The following CSMD1 variants were observed in gnomAD, a reference collection of about 807,000 sequenced individuals.
CSMD1 encodes CUB and sushi domain-containing protein 1.
A neutral mutation model predicts 417.5 loss-of-function variants in CSMD1; 213 were observed. The ratio of observed to expected loss-of-function variants is 0.51; its 90% CI spans 0.46 to 0.57. The LOEUF (loss-of-function observed/expected upper bound fraction) is 0.57, where lower values mean the gene tolerates loss of function less well. CSMD1 is among the 20% of genes least tolerant of loss of function. CSMD1 has a pLI of 0.00. For missense variants in CSMD1, 6,923 were observed against 4,529.7 expected (o/e 1.53, Z -15.17); for synonymous variants, 2,862 against 1,736.8 (o/e 1.65, Z -16.11).
intron 6 of CSMD1, among the ~76,000 whole-genome samples, chr8:3,749,541 G>A (rs1199663563): frequency 3.9e-5 from 6 of 152,150 alleles, no homozygotes; most frequent in Non-Finnish European, 7.3e-5. Flanking sequence ...GGGAAGAGTA[G>A]AAAGAATATT....
chr8:4,414,523 G>A (rs1203708068), intron 3 of CSMD1, among the ~76,000 whole-genome samples: 1 of 152,036 alleles, frequency 6.6e-6, no homozygotes, highest in Admixed American at 6.5e-5. Flanking sequence ...ATCTGCTTAT[G>A]CATAGTTTAT....
intron 7 of CSMD1, chr8:3,700,582 G>A (rs957201688): frequency 6.6e-6 from 1 of 152,214 alleles, no homozygotes; most frequent in Non-Finnish European, 1.5e-5. Context: ...AGTTGTGGAT[G>A]CTCAAGATAC....
chr8:4,493,775 C>A (rs1282267865), intron 2 of CSMD1, among the ~76,000 whole-genome samples: 1 of 152,020 alleles, frequency 6.6e-6, no homozygotes, highest in East Asian at 1.9e-4. Context: ...CAACTCTATC[C>A]CTAAGAATAG....
In CSMD1 at chr8:4,600,796, G is replaced by A. The variant is rs181546120; in HGVS notation, c.302+36546C>T. Among the ~76,000 whole-genome samples the A allele has an allele frequency of 9.2e-5, 14 of 152,218 alleles. No individual in the cohort carries two copies. The East Asian group carries it at 2.5e-3, about 27-fold the overall frequency. On this transcript the variant is annotated intron_variant, in intron 2 of 69. Transcript: ENST00000635120. Reference sequence around the variant, plus strand: ...AAATTGTTAGTAACTTCAGACGTAAGAAATCAATCTCTCAATCTTGACAAA... The same window carrying A: ...AAATTGTTAGTAACTTCAGACGTAAAAAATCAATCTCTCAATCTTGACAAA...
intron 1 of CSMD1, among the ~76,000 whole-genome samples, chr8:4,661,080 C>G (rs183897797): frequency 6.6e-6 from 1 of 152,290 alleles, no homozygotes; most frequent in East Asian, 1.9e-4. Flanking sequence ...AAAACACAAC[C>G]TGCAACTATC....
Position 3,519,458 on chromosome 8 carries a change from G to A in CSMD1, c.1345-25732C>T, listed in dbSNP as rs140749973. 2.0e-4 allele frequency among the ~76,000 whole-genome samples: 31 copies of A among 152,278 alleles called. No individual in the cohort carries two copies. In the East Asian group the frequency reaches 6.0e-3, roughly 29 times the overall value. On this transcript the variant is annotated intron_variant, in intron 10 of 69. Transcript: ENST00000635120. Reference sequence around the variant, plus strand: ...GATGAAGTTTCTTGATCATCTGAGAGGAAACACAGGCTCACAATTGAGACT... The same window carrying A: ...GATGAAGTTTCTTGATCATCTGAGAAGAAACACAGGCTCACAATTGAGACT...
intron 3 of CSMD1, among the ~76,000 whole-genome samples, chr8:4,237,695 T>A (rs936893933): frequency 1.3e-5 from 2 of 152,150 alleles, no homozygotes; most frequent in Non-Finnish European, 2.9e-5. Flanking sequence ...TTACTTTTTG[T>A]AGAGACATGG....
intron 5 of CSMD1, among the ~76,000 whole-genome samples, chr8:3,906,561 A>G (rs937714773): frequency 2.0e-5 from 3 of 152,066 alleles, no homozygotes; most frequent in Non-Finnish European, 4.4e-5. Context: ...CAGAAATATA[A>G]GCTGTACCAT....
chr8:3,882,181 C>G (rs1329653106), intron 5 of CSMD1, among the ~76,000 whole-genome samples: 3 of 151,910 alleles, frequency 2.0e-5, no homozygotes, highest in African/African-American at 7.3e-5. Context: ...ATACAGACAT[C>G]TTACAAATCA....
intron 5 of CSMD1, among the ~76,000 whole-genome samples, chr8:3,759,068 A>C (rs766767987): frequency 1.3e-5 from 2 of 152,240 alleles, no homozygotes; most frequent in African/African-American, 4.8e-5. Context: ...AGCCCAGCTG[A>C]CACCTTGATT....
intron 42 of CSMD1, among the ~76,000 whole-genome samples, chr8:3,116,526 T>G (rs1816880767): frequency 1.3e-5 from 2 of 152,212 alleles, no homozygotes; most frequent in South Asian, 4.1e-4. Context: ...TTTGGGAGTC[T>G]GAAGGGGTTT....
chr8:4,316,044 C>T (rs1226166727), intron 3 of CSMD1, among the ~76,000 whole-genome samples: 1 of 152,018 alleles, frequency 6.6e-6, no homozygotes, highest in Non-Finnish European at 1.5e-5. Flanking sequence ...AAATATCCCA[C>T]TGAGAAATAT....
At chr8:4,630,847 G>A (rs1221923094) in intron 2 of CSMD1, among the ~76,000 whole-genome samples, 1 of 152,092 alleles carries the variant, frequency 6.6e-6, no homozygotes, top group African/African-American at 2.4e-5. Flanking sequence ...TACTTCCCTG[G>A]AACTATCCAG....
At chr8:3,958,524 G>C (rs901544785) in intron 5 of CSMD1, among the ~76,000 whole-genome samples, 4 of 151,990 alleles carry the variant, frequency 2.6e-5, no homozygotes, top group Admixed American at 1.3e-4. Context: ...GCATTCTTCT[G>C]GGTTTAGTTC....
intron 2 of CSMD1, among the ~76,000 whole-genome samples, chr8:4,593,511 T>G (rs1156364664): frequency 1.3e-5 from 2 of 152,182 alleles, no homozygotes; most frequent in Non-Finnish European, 2.9e-5. Context: ...TGGATTATTT[T>G]TCAATTATAA....
At chr8:3,877,868 A>T (rs762962613) in intron 5 of CSMD1, among the ~76,000 whole-genome samples, 15 of 152,194 alleles carry the variant, frequency 9.9e-5, no homozygotes, top group Non-Finnish European at 2.1e-4. Context: ...AACAAACATT[A>T]CTAAACCATT....
chr8:4,002,420 T>C (rs993006050), intron 4 of CSMD1, among the ~76,000 whole-genome samples: 1 of 152,232 alleles, frequency 6.6e-6, no homozygotes, highest in African/African-American at 2.4e-5. Context: ...ACTAATATGT[T>C]TGATGAGCAA....
At chr8:3,818,865 C>G (rs535427369) in intron 5 of CSMD1, among the ~76,000 whole-genome samples, 6 of 152,178 alleles carry the variant, frequency 3.9e-5, no homozygotes, top group Admixed American at 3.9e-4. Context: ...ATTTAACAGC[C>G]TTGCTCACAC....
chr8:3,312,565 A>G (rs1395071914), intron 23 of CSMD1, among the ~76,000 whole-genome samples: 4 of 152,184 alleles, frequency 2.6e-5, no homozygotes, highest in Non-Finnish European at 4.4e-5. Context: ...GCAGGATTTG[A>G]TGGTTCACAC....
Sources: gnomAD v4.1 joint callset for allele counts (sites outside exome capture counted in the v4.1 genomes callset) on GRCh38, gnomAD v4.1.1 for gene constraint, MANE v1.5 for transcripts, NCBI Gene and HGNC (gene_info 2026-07-23, HGNC 2026-07-21) for gene names.